ZNF676: variants seen among roughly 807,000 people sequenced by gnomAD.
ZNF676 encodes zinc finger protein 676.
ZNF676 carries 4 observed loss-of-function variants against 6.0 expected under a neutral mutation model. The ratio of observed to expected loss-of-function variants is 0.67; its 90% CI spans 0.33 to 1.53. The LOEUF is 1.53. Ranked by LOEUF, ZNF676 falls within the 40% of genes most tolerant of loss-of-function variation. ZNF676 has a pLI of 0.06. For missense variants in ZNF676, 644 were observed against 679.7 expected (o/e 0.95, Z 0.58); for synonymous variants, 198 against 223.1 (o/e 0.89, Z 1.00).
chr19:22,240,693 T>A, the ZNF676 span, among the ~76,000 whole-genome samples: 22 of 152,048 alleles, frequency 1.4e-4, no homozygotes, highest in Admixed American at 2.6e-4. Flanking sequence ...CTCAGGAGAC[T>A]GAGACAGAAG....
In ZNF676 at chr19:22,179,851, C is replaced by A. The variant is rs915492123; in HGVS notation, c.*99G>T. 4 of 1,359,106 alleles carry A rather than the reference C, an allele frequency of 2.9e-6. No homozygotes were observed. In the African/African-American group the frequency reaches 4.3e-5, roughly 15 times the overall value. The allele number at this position is 1,359,106 out of a possible 1,614,324, so 84.2% of individuals were successfully genotyped here. On this transcript the variant is annotated 3_prime_UTR_variant, in exon 3 of 3. Transcript: ENST00000397121. ...GATTGAGGACTGTTTAAAAGCTTTG[C>A]CACATTCTTCACCTTTGTAGATTTT... is the stretch of plus-strand genomic sequence containing the variant.
chr19:22,209,833 T>A (rs762040323), intron 1 of ZNF676, among the ~76,000 whole-genome samples: 2 of 152,166 alleles, frequency 1.3e-5, no homozygotes, highest in Non-Finnish European at 2.9e-5. Context: ...AGATTCCGTG[T>A]CTGAAAATAG....
chr19:22,230,609 T>G, the ZNF676 span, among the ~76,000 whole-genome samples: 3 of 151,038 alleles, frequency 2.0e-5, no homozygotes, highest in Non-Finnish European at 4.4e-5. Context: ...TATGTGTATA[T>G]ATATGTATGT....
At chr19:22,258,374 A>G in the ZNF676 span, among the ~76,000 whole-genome samples, 1 of 152,268 alleles carries the variant, frequency 6.6e-6, no homozygotes, top group South Asian at 2.1e-4. Flanking sequence ...ATGTTGTTTG[A>G]GAGCAGGACC....
chr19:22,191,606 C>T (rs559884407), intron 2 of ZNF676, among the ~76,000 whole-genome samples: 1 of 152,266 alleles, frequency 6.6e-6, no homozygotes, highest in South Asian at 2.1e-4. Flanking sequence ...AATCCACATC[C>T]TAATATAAAG....
the ZNF676 span, among the ~76,000 whole-genome samples, chr19:22,237,811 G>A: frequency 9.2e-5 from 14 of 152,220 alleles, no homozygotes; most frequent in East Asian, 1.9e-4. Context: ...CCTCCCATAC[G>A]TCCCCATTCC....
the ZNF676 span, among the ~76,000 whole-genome samples, chr19:22,258,825 G>T: frequency 1.1e-3 from 161 of 152,270 alleles, no homozygotes; most frequent in African/African-American, 3.6e-3. Context: ...CTGAGCCCAG[G>T]CAGGAGAGTC....
upstream of ZNF676, among the ~76,000 whole-genome samples, chr19:22,201,200 T>A (rs1278235877): frequency 2.0e-5 from 3 of 152,200 alleles, no homozygotes; most frequent in African/African-American, 7.2e-5. Flanking sequence ...ATAGTTGTGG[T>A]GTGGCTCTGG....
At chr19:22,219,943 C>G (rs544529912), upstream of ZNF676, among the ~76,000 whole-genome samples, 16 of 152,178 alleles carry the variant, frequency 1.1e-4, no homozygotes, top group Non-Finnish European at 2.2e-4. Context: ...GCATGAGCCA[C>G]CACGCCCAGC....
chr19:22,248,664 T>G, the ZNF676 span, among the ~76,000 whole-genome samples: 1 of 152,158 alleles, frequency 6.6e-6, no homozygotes, highest in Non-Finnish European at 1.5e-5. Context: ...TTTTCTTTCC[T>G]TCTCTCCTCT....
At position 22,180,053 on chromosome 19, in the gene ZNF676, T is replaced by C. The variant is rs1295574145; in HGVS notation, c.1664A>G (p.His555Arg). The change falls in exon 3 of 3, where the codon CAT becomes CGT. Residue 555 changes from histidine to arginine, a missense_variant. His to Arg is a conservative substitution (Grantham distance 29). Transcript: ENST00000397121. Reference protein sequence around the residue: ...SSSLTRHKRIHTGEKPYKCEE... With the variant: ...SSSLTRHKRIRTGEKPYKCEE... ...ACATTTGTAGGGTTTCTCTCCAGTA[T>C]GAATTCTCTTGTGTCTAGTAAGGCT... 9 of 1,613,816 alleles carry C rather than the reference T, an allele frequency of 5.6e-6. No individual in the cohort carries two copies. Among genetic ancestry groups the C allele is most frequent in the East Asian group, 2.2e-5 (1 of 44,884 alleles).
chr19:22,254,272 T>TG, the ZNF676 span, among the ~76,000 whole-genome samples: 2,927 of 152,216 alleles, frequency 0.019, 93 homozygotes, highest in African/African-American at 0.067. Context: ...AAATGCTCTC[T>TG]GTGGGCACAG....
chr19:22,234,636 C>A, the ZNF676 span, among the ~76,000 whole-genome samples: 3 of 152,068 alleles, frequency 2.0e-5, no homozygotes, highest in African/African-American at 7.2e-5. Flanking sequence ...GGGCTTTGCT[C>A]CAAAATCCTA....
In ZNF676 at chr19:22,179,694, G is replaced by T. The variant is rs61739264; in HGVS notation, c.*256C>A. On this transcript the variant is annotated 3_prime_UTR_variant, in exon 3 of 3. Transcript: ENST00000397121. ...AGTTGAAGTCTTTATCACATTCTTC[G>T]CATTTGTAGGGTTTCTCTCCAGTAT... 7.3e-6 allele frequency: 5 copies of T among 684,182 alleles called. No individual in the cohort carries two copies. The highest frequency in any genetic ancestry group is 1.1e-5 in the Non-Finnish European group (4 of 372,856). 42.4% of individuals were successfully genotyped at this position (684,182 alleles called of 1,614,324 possible). A position where few individuals can be genotyped will look rare whatever the true frequency, so the allele number is the denominator to read the frequency against.
chr19:22,237,315 T>C, the ZNF676 span, among the ~76,000 whole-genome samples: 3 of 152,218 alleles, frequency 2.0e-5, no homozygotes, highest in African/African-American at 7.2e-5. Context: ...CAACATTAAA[T>C]GCAGTATTCC....
chr19:22,241,719 A>G, the ZNF676 span, among the ~76,000 whole-genome samples: 5 of 151,822 alleles, frequency 3.3e-5, 1 homozygote, highest in African/African-American at 1.2e-4. Flanking sequence ...CATGGCCCTA[A>G]ACCCATGTAT....
At chr19:22,249,807 CAG>C in the ZNF676 span, among the ~76,000 whole-genome samples, 2 of 151,310 alleles carry the variant, frequency 1.3e-5, no homozygotes, top group South Asian at 4.2e-4. Flanking sequence ...ACAAAAATTG[CAG>C]AGTTATTAAA....
At chr19:22,236,512 C>T in the ZNF676 span, among the ~76,000 whole-genome samples, 1 of 152,064 alleles carries the variant, frequency 6.6e-6, no homozygotes, top group African/African-American at 2.4e-5. Flanking sequence ...GCACAGTTAC[C>T]CCATAAAAGG....
intron 1 of ZNF676, among the ~76,000 whole-genome samples, chr19:22,202,590 A>G (rs1186063338): frequency 2.0e-5 from 3 of 152,238 alleles, no homozygotes; most frequent in African/African-American, 4.8e-5. Flanking sequence ...GAATTAAATA[A>G]TAACAGAACA....
Sources: gnomAD v4.1 joint callset for allele counts (sites outside exome capture counted in the v4.1 genomes callset) on GRCh38, gnomAD v4.1.1 for gene constraint, MANE v1.5 for transcripts, NCBI Gene and HGNC (gene_info 2026-07-23, HGNC 2026-07-21) for gene names.